Variants in LAMA2 observed in about 807,000 individuals in gnomAD.
LAMA2 encodes laminin subunit alpha 2, also known as laminin subunit alpha-2.
LAMA2 carries 269 observed loss-of-function variants against 364.8 expected under a neutral mutation model. That is an observed-to-expected ratio of 0.74 (90% CI 0.67 to 0.82). The LOEUF is 0.82. Ranked by LOEUF, LAMA2 falls within the 40% of genes least tolerant of loss-of-function variation. The probability of loss-of-function intolerance (pLI) is 0.00; values close to 1 mark genes in which losing one functional copy is unlikely to be tolerated. For missense variants in LAMA2, 3,807 were observed against 3,873.2 expected, an observed-to-expected ratio of 0.98 and a Z score of 0.45; for synonymous variants, 1,379 against 1,370.6, an observed-to-expected ratio of 1.01 and a Z score of -0.14.
intron 1 of LAMA2, among the ~76,000 whole-genome samples, chr6:128,997,431 G>GT (rs1784047584): frequency 6.6e-6 from 1 of 152,106 alleles, no homozygotes; most frequent in Non-Finnish European, 1.5e-5. Context: ...CTAGAGTGAA[G>GT]TAAGAGAGGG....
At chr6:129,438,370 T>C (rs962480726) in intron 41 of LAMA2, among the ~76,000 whole-genome samples, 6 of 151,922 alleles carry the variant, frequency 3.9e-5, no homozygotes, top group African/African-American at 1.4e-4. Context: ...GTTTCTTCTC[T>C]ATAGGAAGAT....
At chr6:129,449,242 C>CA (rs2114781322) in intron 45 of LAMA2, among the ~76,000 whole-genome samples, 1 of 152,254 alleles carries the variant, frequency 6.6e-6, no homozygotes, top group Non-Finnish European at 1.5e-5. Context: ...GCTGCTGTGA[C>CA]AGAGTATTAC....
At chr6:129,051,206 A>AAT (rs1324464346) in intron 2 of LAMA2, among the ~76,000 whole-genome samples, 2 of 147,998 alleles carry the variant, frequency 1.4e-5, no homozygotes, top group Non-Finnish European at 3.0e-5. Flanking sequence ...ATATATATAA[A>AAT]ATATATATAG....
At chr6:129,491,865 G>C in intron 56 of LAMA2, 36 bp from the exon 57 acceptor site, 1 of 1,484,678 alleles carries the variant, frequency 6.7e-7, no homozygotes, top group Non-Finnish European at 9.4e-7. Context: ...TGAATCAGAT[G>C]TGACTTATAC....
At chr6:129,125,870 A>G (rs1340196811) in intron 4 of LAMA2, among the ~76,000 whole-genome samples, 1 of 152,198 alleles carries the variant, frequency 6.6e-6, no homozygotes, top group Admixed American at 6.5e-5. Context: ...TCCACATTGC[A>G]TTCATATATT....
At position 129,160,500 on chromosome 6, in the gene LAMA2, G is replaced by A. The variant is rs565703228; in HGVS notation, c.1207-5076G>A. On this transcript the variant is annotated intron_variant, in intron 8 of 64. Transcript: ENST00000421865. ...CTCCTTTTATTGATCACTTATGTTA[G>A]GGGTTTATCAATTTTCCTAATCTTT... 8.8e-4 allele frequency among the ~76,000 whole-genome samples: 133 copies of A among 151,856 alleles called. 1 individual carries two copies. The highest frequency in any genetic ancestry group is 3.4e-3 in the Middle Eastern group (1 of 292).
intron 8 of LAMA2, among the ~76,000 whole-genome samples, chr6:129,165,127 A>G (rs1779664747): frequency 6.6e-6 from 1 of 151,994 alleles, no homozygotes; most frequent in Admixed American, 6.6e-5. Flanking sequence ...AATTAAGCCT[A>G]GATATATATA....
chr6:129,067,590 C>A (rs971551932), intron 3 of LAMA2, among the ~76,000 whole-genome samples: 1 of 152,210 alleles, frequency 6.6e-6, no homozygotes, highest in African/African-American at 2.4e-5. Flanking sequence ...GATCACACAA[C>A]ACTTTCCACT....
Position 129,300,751 on chromosome 6 carries a change from A to G in LAMA2, c.3053A>G (p.His1018Arg), listed in dbSNP as rs990605475. The G allele has an allele frequency of 2.5e-6, 4 of 1,613,574 alleles. No homozygotes were observed. In the African/African-American group the frequency reaches 4.0e-5, roughly 16 times the overall value. The change falls in exon 22 of 65, where the codon CAT becomes CGT. Residue 1018 changes from histidine to arginine, a missense_variant. Around this residue, in one of 3 missense-constraint regions of LAMA2, gnomAD observed 3,333 missense variants for 3,345.7 expected, o/e 1.00. Coordinates refer to ENST00000421865, the MANE Select transcript of LAMA2 (RefSeq NM_000426.4). ...EGGCTACECS[H>R]LGNNCDPKTG... is the part of the protein sequence containing the mutation. ...ACCGGTGAAGCTTGTGAATGTTCTC[A>G]TCTGGGTAATAATTGTGACCCAAAG...
chr6:128,975,053 T>C (rs999776638), intron 1 of LAMA2, among the ~76,000 whole-genome samples: 1 of 151,990 alleles, frequency 6.6e-6, no homozygotes, highest in African/African-American at 2.4e-5. Context: ...GAGGTTTCAC[T>C]GTGTTAGCCA....
intron 41 of LAMA2, among the ~76,000 whole-genome samples, chr6:129,436,603 A>G (rs1007971052): frequency 6.6e-6 from 1 of 152,146 alleles, no homozygotes; most frequent in Non-Finnish European, 1.5e-5. Context: ...TTGCCAAACC[A>G]AATACATGTC....
chr6:129,354,831 C>A (rs1430714749), intron 32 of LAMA2, among the ~76,000 whole-genome samples: 2 of 152,114 alleles, frequency 1.3e-5, no homozygotes, highest in African/African-American at 2.4e-5. Flanking sequence ...ATGATCAATA[C>A]TTTTTTAACA....
intron 13 of LAMA2, among the ~76,000 whole-genome samples, chr6:129,251,310 T>C (rs1465008996): frequency 6.6e-6 from 1 of 151,994 alleles, no homozygotes; most frequent in Non-Finnish European, 1.5e-5. Flanking sequence ...GTTTGTTTTT[T>C]CCCATGTAGT....
chr6:129,031,119 T>C (rs1051591476), intron 1 of LAMA2, among the ~76,000 whole-genome samples: 2 of 152,270 alleles, frequency 1.3e-5, no homozygotes, highest in Non-Finnish European at 2.9e-5. Flanking sequence ...TGCATATTTA[T>C]GTGTGTGTTC....
At chr6:129,356,871 T>G (rs1455308696) in intron 32 of LAMA2, among the ~76,000 whole-genome samples, 3 of 152,090 alleles carry the variant, frequency 2.0e-5, no homozygotes, top group African/African-American at 7.2e-5. Flanking sequence ...GGTAGATTCC[T>G]TTTCATCAGA....
intron 1 of LAMA2, among the ~76,000 whole-genome samples, chr6:129,029,887 A>G (rs1365847626): frequency 6.6e-6 from 1 of 152,052 alleles, no homozygotes; most frequent in Non-Finnish European, 1.5e-5. Context: ...AGGGCAACCA[A>G]TTGTAGAGAC....
chr6:129,405,123 T>G (rs1408598707), intron 40 of LAMA2, among the ~76,000 whole-genome samples: 2 of 152,136 alleles, frequency 1.3e-5, no homozygotes, highest in Non-Finnish European at 1.5e-5. Flanking sequence ...GTTAGATAAT[T>G]TTCTATTTTA....
intron 12 of LAMA2, among the ~76,000 whole-genome samples, chr6:129,203,998 T>A (rs1336704786): frequency 6.6e-6 from 1 of 152,222 alleles, no homozygotes; most frequent in Non-Finnish European, 1.5e-5. Context: ...TTGGAGATCT[T>A]CCTTATATCA....
intron 1 of LAMA2, among the ~76,000 whole-genome samples, chr6:128,949,834 A>G (rs575189789): frequency 4.7e-4 from 72 of 152,320 alleles, no homozygotes; most frequent in Non-Finnish European, 7.9e-4. Context: ...ACATAAGGGC[A>G]TATATTTGGT....
Sources: gnomAD v4.1 joint callset for allele counts (sites outside exome capture counted in the v4.1 genomes callset) on GRCh38, gnomAD v4.1.1 for gene constraint, gnomAD v4.1.1 regional missense constraint, MANE v1.5 for transcripts, NCBI Gene and HGNC (gene_info 2026-07-23, HGNC 2026-07-21) for gene names.